IL27RA: variants seen among roughly 807,000 people sequenced by gnomAD.
IL27RA encodes the protein interleukin 27 receptor subunit alpha, also known as interleukin-27 receptor subunit alpha.
In IL27RA, 61 loss-of-function variants were observed where a neutral mutation model predicts 80.8. The ratio of observed to expected loss-of-function variants is 0.76; its 90% CI spans 0.61 to 0.93. The LOEUF (loss-of-function observed/expected upper bound fraction) is 0.93. Among genes scored for constraint, IL27RA ranks in the 40% least tolerant of loss-of-function variants. The pLI is 0.00. For missense variants in IL27RA, 735 were observed against 808.1 expected (o/e 0.91, Z 1.10); for synonymous variants, 316 against 332.5 (o/e 0.95, Z 0.54).
At position 14,032,497 on chromosome 19, in the gene IL27RA, A is replaced by C; in HGVS notation, c.212A>C (p.Gln71Pro). The change falls in exon 2 of 14, where the codon CAA (glutamine) becomes CCA (proline). Residue 71 changes from glutamine to proline, a missense_variant. By Grantham distance (76) the Gln-to-Pro change is moderately conservative. Transcript: ENST00000263379. ...CCCTCCGAGTTACACCTCCAGAGCC[A>C]AAAGTAGTGAGTACAGGGAGGTGAC... ...GAPSELHLQS[Q>P]KYRSNKTQTV... 1 of 1,605,994 alleles carries C rather than the reference A, an allele frequency of 6.2e-7. No homozygotes were observed. Among genetic ancestry groups the C allele is most frequent in the Non-Finnish European group, 8.5e-7 (1 of 1,172,852 alleles).
rs144537326 is a variant in IL27RA, at chr19:14,051,662, C to T, written c.1584C>T (p.Phe528=). Residue 528 remains phenylalanine, a synonymous_variant, in exon 12 of 14, where the codon TTC becomes TTT. Transcript: ENST00000263379. ...GCATCCTATTCTTGTGGGGCTTGTT[C>T]CTGTTGGGGTGTGGCCTGAGCCTGG... ...LPGILFLWGL[F]LLGCGLSLAT... is the part of the protein sequence containing the mutation. 248 of 1,613,162 alleles carry T rather than the reference C, an allele frequency of 1.5e-4. 1 individual carries two copies. The African/African-American group carries it at 3.1e-3, about 20-fold the overall frequency.
At chr19:14,032,995 G>A (rs1975844686) in intron 2 of IL27RA, among the ~76,000 whole-genome samples, 1 of 151,668 alleles carries the variant, frequency 6.6e-6, no homozygotes, top group East Asian at 1.9e-4. Flanking sequence ...ATAGGGCCAG[G>A]AGAGGTGGTT....
In IL27RA at chr19:14,031,834, G is replaced by A. The variant is rs766371947; in HGVS notation, c.-39G>A. ...AGGAGCAGCGCGGCCGCGCGGACCC[G>A]GCAAGGCTGGGCCGGACTCGGGGCT... is the stretch of plus-strand genomic sequence containing the variant. On this transcript the variant is annotated 5_prime_UTR_variant, in exon 1 of 14. Transcript: ENST00000263379. The A allele has an allele frequency of 5.9e-6, 9 of 1,533,250 alleles. No homozygotes were observed. Among genetic ancestry groups the A allele is most frequent in the Non-Finnish European group, 7.9e-6 (9 of 1,133,264 alleles). 95.0% of individuals were successfully genotyped at this position (1,533,250 alleles called of 1,614,324 possible).
Position 14,049,140 on chromosome 19 carries a change from C to G in IL27RA, c.1244-16C>G. 6.2e-7 allele frequency: 1 copy of G among 1,613,052 alleles called. No individual in the cohort carries two copies. The highest frequency in any genetic ancestry group is 8.5e-7 in the Non-Finnish European group (1 of 1,179,344). ...TGTAACCCAGGCCGACCTTGACCTA[C>G]TGCCTTCCTCCCCAGCACCCCTAGT... On this transcript the variant is annotated splice_polypyrimidine_tract_variant and intron_variant, in intron 9 of 13. Coordinates refer to ENST00000263379, the MANE Select transcript of IL27RA (RefSeq NM_004843.4).
chr19:14,046,048 C>T (rs1976059985), intron 6 of IL27RA, 106 bp from the exon 7 acceptor site: 21 of 1,049,326 alleles, frequency 2.0e-5, no homozygotes, highest in Non-Finnish European at 2.6e-5. Flanking sequence ...AACAAACAAA[C>T]AAAAAATGCT....
chr19:14,035,249 G>A (rs1157326963), intron 2 of IL27RA, among the ~76,000 whole-genome samples: 2 of 151,986 alleles, frequency 1.3e-5, no homozygotes, highest in African/African-American at 2.4e-5. Flanking sequence ...CACCTCCTTT[G>A]TCCTCCCAAA....
At chr19:14,043,608 A>T (rs909610822) in intron 6 of IL27RA, among the ~76,000 whole-genome samples, 1 of 151,036 alleles carries the variant, frequency 6.6e-6, no homozygotes, top group African/African-American at 2.4e-5. Context: ...TATTTTTAGT[A>T]GAGATGGGGG....
chr19:14,047,611 C>A lies in IL27RA; in HGVS notation c.1141+993C>A, dbSNP rs1976088233. ...ACCTCAAGAGATCCACCCGCATTGGCCTCCCAAAATGATGGGATGACAGGG... is the reference window on the plus strand; with the variant it reads ...ACCTCAAGAGATCCACCCGCATTGGACTCCCAAAATGATGGGATGACAGGG... On this transcript the variant is annotated intron_variant, in intron 8 of 13. Transcript: ENST00000263379. Among the ~76,000 whole-genome samples, 6 of 150,998 alleles carry A rather than the reference C, an allele frequency of 4.0e-5. No homozygotes were observed. In the Admixed American group the frequency reaches 4.0e-4, roughly 10 times the overall value.
At chr19:14,051,014 TG>T in intron 11 of IL27RA, 131 bp downstream of exon 11, 1 of 920,826 alleles carries the variant, frequency 1.1e-6, no homozygotes, top group Non-Finnish European at 1.5e-6. Flanking sequence ...TCTGGGAGGC[TG>T]AGGCAGGTGG....
intron 8 of IL27RA, among the ~76,000 whole-genome samples, chr19:14,048,015 T>TGGCGTGATCTCAGCTCACTGCAGC (rs1976096067): frequency 6.7e-6 from 1 of 149,408 alleles, no homozygotes; most frequent in Non-Finnish European, 1.5e-5. Context: ...TGGAGTGCAG[T>TGGCGTGATCTCAGCTCACTGCAGC]GGCGTGATCT....
intron 1 of IL27RA, among the ~76,000 whole-genome samples, 187 bp downstream of exon 1, chr19:14,032,159 C>G (rs1357463206): frequency 6.6e-6 from 1 of 151,908 alleles, no homozygotes; most frequent in Non-Finnish European, 1.5e-5. Context: ...ACCGGAGCCC[C>G]GGGGCGGGGT....
At chr19:14,042,682 A>G in intron 5 of IL27RA, 34 bp from the exon 6 acceptor site, 1 of 1,613,530 alleles carries the variant, frequency 6.2e-7, no homozygotes. Context: ...ATCATGTCCC[A>G]CTCATTTGTT....
intron 4 of IL27RA, among the ~76,000 whole-genome samples, chr19:14,041,627 G>T (rs926683412): frequency 6.6e-6 from 1 of 152,104 alleles, no homozygotes; most frequent in Non-Finnish European, 1.5e-5. Flanking sequence ...GATAATAATA[G>T]AAGTTACCAC....
At chr19:14,032,634 CAAAAAAAA>C (rs766574764) in intron 2 of IL27RA, 131 bp downstream of exon 2, 15 of 93,684 alleles carry the variant, frequency 1.6e-4, no homozygotes, top group African/African-American at 1.2e-4. Context: ...ACTAAAAATA[CAAAAAAAA>C]AAAAAAAAAA....
intron 6 of IL27RA, among the ~76,000 whole-genome samples, chr19:14,044,073 T>C (rs1177470132): frequency 4.8e-5 from 7 of 146,088 alleles, no homozygotes; most frequent in African/African-American, 1.9e-4. Context: ...AAAAAAGGTA[T>C]TATAAAATGG....
chr19:14,049,645 G>A (rs1976129004), intron 10 of IL27RA, among the ~76,000 whole-genome samples: 1 of 149,090 alleles, frequency 6.7e-6, no homozygotes, highest in African/African-American at 2.5e-5. Context: ...GCAATGGCAC[G>A]ATCTCAGCTC....
intron 1 of IL27RA, 119 bp downstream of exon 1, chr19:14,032,091 C>A: frequency 5.6e-6 from 5 of 886,612 alleles, no homozygotes; most frequent in South Asian, 3.3e-5. Flanking sequence ...AGGCGCCACT[C>A]GGCTCCTCCC....
At chr19:14,041,464 G>C (rs1479067690) in intron 4 of IL27RA, among the ~76,000 whole-genome samples, 1 of 152,098 alleles carries the variant, frequency 6.6e-6, no homozygotes, top group Non-Finnish European at 1.5e-5. Context: ...ACCTCCTAAA[G>C]TGTTGGGATT....
At chr19:14,048,281 TAAA>T (rs746460705) in intron 8 of IL27RA, among the ~76,000 whole-genome samples, 4,226 of 150,150 alleles carry the variant, frequency 0.028, 86 homozygotes, top group Middle Eastern at 0.085. Flanking sequence ...AATAAATAAA[TAAA>T]TAAATAAATT....
Sources: gnomAD v4.1 joint callset for allele counts (sites outside exome capture counted in the v4.1 genomes callset) on GRCh38, gnomAD v4.1.1 for gene constraint, MANE v1.5 for transcripts, NCBI Gene and HGNC (gene_info 2026-07-23, HGNC 2026-07-21) for gene names.